The following MAPK4 variants were observed in gnomAD, a reference collection of about 807,000 sequenced individuals.
MAPK4 encodes mitogen-activated protein kinase 4.
In MAPK4, 22 loss-of-function variants were observed where a neutral mutation model predicts 47.7. That is an observed-to-expected ratio of 0.46 (90% CI 0.33 to 0.66). The LOEUF (loss-of-function observed/expected upper bound fraction) is 0.66. Among genes scored for constraint, MAPK4 ranks in the 30% least tolerant of loss-of-function variants. The probability of loss-of-function intolerance (pLI) is 0.02; values close to 1 mark genes in which losing one functional copy is unlikely to be tolerated. For synonymous variants in MAPK4, 390 were observed against 365.7 expected, an observed-to-expected ratio of 1.07 and a Z score of -0.76; for missense variants, 736 against 831.7, an observed-to-expected ratio of 0.88 and a Z score of 1.42.
At chr18:50,680,916 A>G (rs1354239700) in intron 2 of MAPK4, among the ~76,000 whole-genome samples, 3 of 152,190 alleles carry the variant, frequency 2.0e-5, no homozygotes, top group Admixed American at 6.5e-5. Context: ...TTATGTGGAT[A>G]TGTTTTCACT....
chr18:50,579,691 C>T (rs965444122), intron 1 of MAPK4, among the ~76,000 whole-genome samples: 1 of 152,160 alleles, frequency 6.6e-6, no homozygotes, highest in African/African-American at 2.4e-5. Flanking sequence ...GGGGGCTTAC[C>T]CAGGGAAGTC....
At chr18:50,653,891 G>A (rs1309398515) in intron 1 of MAPK4, among the ~76,000 whole-genome samples, 1 of 152,306 alleles carries the variant, frequency 6.6e-6, no homozygotes, top group South Asian at 2.1e-4. Context: ...GTTAGCAATG[G>A]GAGCGTGAGG....
In MAPK4 at chr18:50,589,537, A is replaced by G. The variant is rs62093372; in HGVS notation, c.-871+29294A>G. On this transcript the variant is annotated intron_variant, in intron 1 of 5. Transcript: ENST00000400384. ...CGGGAACCCGGGAGGCGGAGCTTGC[A>G]GTGAGCCGAGATCGCGCCACTGCAC... is the stretch of plus-strand genomic sequence containing the variant. Among the ~76,000 whole-genome samples, 510 of 149,660 alleles carry G rather than the reference A, an allele frequency of 3.4e-3. 1 individual carries two copies. Among genetic ancestry groups the G allele is most frequent in the Non-Finnish European group, 5.9e-3 (400 of 67,654 alleles).
chr18:50,594,783 AT>A (rs2149369174), intron 1 of MAPK4, among the ~76,000 whole-genome samples: 1 of 152,346 alleles, frequency 6.6e-6, no homozygotes, highest in South Asian at 2.1e-4. Flanking sequence ...TATTAAGAAA[AT>A]TAATAGGCAA....
At chr18:50,723,508 A>T (rs1406157153) in intron 4 of MAPK4, among the ~76,000 whole-genome samples, 4 of 152,344 alleles carry the variant, frequency 2.6e-5, no homozygotes, top group Middle Eastern at 6.8e-3. Context: ...TGGGGAAACC[A>T]CTGAAGGCAG....
intron 2 of MAPK4, among the ~76,000 whole-genome samples, chr18:50,713,925 T>C (rs550004883): frequency 6.6e-6 from 1 of 152,324 alleles, no homozygotes; most frequent in South Asian, 2.1e-4. Context: ...GGAGGAAATA[T>C]GTGCCACAGA....
chr18:50,599,297 G>A (rs1190883542), intron 1 of MAPK4, among the ~76,000 whole-genome samples: 2 of 152,142 alleles, frequency 1.3e-5, no homozygotes, highest in Non-Finnish European at 2.9e-5. Flanking sequence ...AAATAGAACA[G>A]ATTTTTAAAA....
At chr18:50,656,100 A>G (rs1228377690) in intron 1 of MAPK4, among the ~76,000 whole-genome samples, 1 of 152,144 alleles carries the variant, frequency 6.6e-6, no homozygotes, top group African/African-American at 2.4e-5. Context: ...AGGGCTTTTC[A>G]AGGCCTCTTC....
chr18:50,586,856 A>G (rs1257312537), intron 1 of MAPK4, among the ~76,000 whole-genome samples: 1 of 152,168 alleles, frequency 6.6e-6, no homozygotes, highest in Non-Finnish European at 1.5e-5. Flanking sequence ...TTCAATTTTC[A>G]TTTAATCTTT....
At chr18:50,681,675 T>A (rs549515983) in intron 2 of MAPK4, among the ~76,000 whole-genome samples, 1 of 152,216 alleles carries the variant, frequency 6.6e-6, no homozygotes, top group Non-Finnish European at 1.5e-5. Flanking sequence ...GAAAACACTA[T>A]TTTTTCCCAT....
intron 1 of MAPK4, among the ~76,000 whole-genome samples, chr18:50,599,295 C>T (rs1302684696): frequency 6.6e-6 from 1 of 152,174 alleles, no homozygotes; most frequent in African/African-American, 2.4e-5. Context: ...GTAAATAGAA[C>T]AGATTTTTAA....
chr18:50,689,493 A>G (rs1446984816), intron 2 of MAPK4, among the ~76,000 whole-genome samples: 1 of 150,776 alleles, frequency 6.6e-6, no homozygotes, highest in East Asian at 2.0e-4. Flanking sequence ...GGAGATGGGC[A>G]GGGGGAATAG....
intron 2 of MAPK4, among the ~76,000 whole-genome samples, chr18:50,712,220 A>T (rs1910407390): frequency 1.3e-5 from 2 of 152,164 alleles, no homozygotes; most frequent in African/African-American, 2.4e-5. Context: ...TGAGCTCAGG[A>T]GTTTGAGACT....
Position 50,649,174 on chromosome 18 carries a change from C to T in MAPK4, c.-870-13915C>T, listed in dbSNP as rs187877478. Among the ~76,000 whole-genome samples the T allele has an allele frequency of 3.7e-3, 557 of 152,254 alleles. 4 individuals carry two copies. The highest frequency in any genetic ancestry group is 0.011 in the African/African-American group (474 of 41,520). On this transcript the variant is annotated intron_variant, in intron 1 of 5. Transcript: ENST00000400384. ...CCCCTAGGGGCCCTTGGCTCAGTCCCGTGTGAGACCCACTTGAGTTGCTCT... is the reference window on the plus strand; with the variant it reads ...CCCCTAGGGGCCCTTGGCTCAGTCCTGTGTGAGACCCACTTGAGTTGCTCT...
At chr18:50,612,880 A>T (rs963388282) in intron 1 of MAPK4, among the ~76,000 whole-genome samples, 1 of 152,202 alleles carries the variant, frequency 6.6e-6, no homozygotes, top group Admixed American at 6.5e-5. Context: ...GGCTATAAAG[A>T]TCTTTGGCAA....
At chr18:50,708,304 T>A (rs1344962725) in intron 2 of MAPK4, among the ~76,000 whole-genome samples, 1 of 152,240 alleles carries the variant, frequency 6.6e-6, no homozygotes, top group Non-Finnish European at 1.5e-5. Context: ...TGGGAGGATG[T>A]TGTTCTTCTA....
intron 1 of MAPK4, among the ~76,000 whole-genome samples, chr18:50,635,771 G>T (rs549884546): frequency 1.9e-4 from 29 of 152,270 alleles, no homozygotes; most frequent in African/African-American, 7.0e-4. Flanking sequence ...CCCATGGTCT[G>T]GTCCACGGGT....
intron 1 of MAPK4, among the ~76,000 whole-genome samples, chr18:50,565,973 A>G (rs906092223): frequency 4.6e-5 from 7 of 152,224 alleles, no homozygotes; most frequent in Admixed American, 1.3e-4. Flanking sequence ...TTTAAAAATG[A>G]AACTATAATT....
At position 50,657,035 on chromosome 18, in the gene MAPK4, C is replaced by T. The variant is rs528058876; in HGVS notation, c.-870-6054C>T. 2.6e-5 allele frequency among the ~76,000 whole-genome samples: 4 copies of T among 152,314 alleles called. No homozygotes were observed. The East Asian group carries it at 5.8e-4, about 22-fold the overall frequency. ...TCAGCGATGCCAGCAAGGTCCCACA[C>T]TCCTCTGCCACCTCCCCACGTGGCC... On this transcript the variant is annotated intron_variant, in intron 1 of 5. Coordinates refer to ENST00000400384, the MANE Select transcript of MAPK4 (RefSeq NM_002747.4).
Sources: gnomAD v4.1 joint callset for allele counts (sites outside exome capture counted in the v4.1 genomes callset) on GRCh38, gnomAD v4.1.1 for gene constraint, MANE v1.5 for transcripts, NCBI Gene and HGNC (gene_info 2026-07-23, HGNC 2026-07-21) for gene names.